Variants in RP1 observed in about 807,000 individuals in gnomAD.
RP1 encodes the protein RP1 axonemal microtubule associated, also known as oxygen-regulated protein 1.
Under a neutral mutation model 14.8 loss-of-function variants are expected in RP1, and 16 were observed. The ratio of observed to expected loss-of-function variants is 1.08; its 90% CI spans 0.73 to 1.65. The LOEUF is 1.65. RP1 is among the 40% of genes most tolerant of loss of function. RP1 has a pLI of 0.00. For missense variants in RP1, 2,631 were observed against 2,535.0 expected, an observed-to-expected ratio of 1.04 and a Z score of -0.81; for synonymous variants, 876 against 883.6, an observed-to-expected ratio of 0.99 and a Z score of 0.15.
chr8:54,838,131 A>C (rs1423499258), intron 25 of RP1, among the ~76,000 whole-genome samples: 1 of 152,226 alleles, frequency 6.6e-6, no homozygotes, highest in Non-Finnish European at 1.5e-5. Flanking sequence ...TATATCCAAG[A>C]ATAGATGTGT....
chr8:54,566,471 G>T (rs560636747), intron 1 of RP1, among the ~76,000 whole-genome samples: 4 of 152,286 alleles, frequency 2.6e-5, no homozygotes, highest in Non-Finnish European at 1.5e-5. Flanking sequence ...CATCTGAGAA[G>T]AGTGAAGGAC....
intron 20 of RP1, chr8:54,755,504 C>T (rs1170055364): frequency 3.1e-6 from 3 of 959,702 alleles, no homozygotes; most frequent in South Asian, 3.3e-5. Context: ...CAGGAATTCT[C>T]ATATATGTTT....
In RP1 at chr8:54,739,030, G is replaced by C; in HGVS notation, c.2808+1G>C. 6.6e-7 allele frequency: 1 copy of C among 1,525,694 alleles called. No homozygotes were observed. Among genetic ancestry groups the C allele is most frequent in the African/African-American group, 1.4e-5 (1 of 72,808 alleles). The allele number at this position is 1,525,694 out of a possible 1,614,324, so 94.5% of individuals were successfully genotyped here. On this transcript the variant is annotated splice_donor_variant, in intron 19 of 22. Coordinates refer to the RP1 transcript ENST00000636932. LOFTEE classifies it high-confidence loss of function. ...GCAACCCGAGTGGAACTTGCAGAGG[G>C]TAATCATGTCACTTATTTTTTTCTT...
chr8:54,663,555 T>C, intron 6 of RP1: 1 of 640,020 alleles, frequency 1.6e-6, no homozygotes, highest in African/African-American at 1.9e-5. Flanking sequence ...ATAGTATATA[T>C]AGAATTTTTT....
At chr8:54,635,731 C>G (rs1300032326), downstream of RP1, among the ~76,000 whole-genome samples, 4 of 152,142 alleles carry the variant, frequency 2.6e-5, no homozygotes, top group African/African-American at 4.8e-5. Context: ...CAAAACCCAA[C>G]ACACCCCACA....
At chr8:54,849,101 T>C (rs1812000384) in intron 25 of RP1, among the ~76,000 whole-genome samples, 1 of 152,068 alleles carries the variant, frequency 6.6e-6, no homozygotes, top group Non-Finnish European at 1.5e-5. Context: ...CTCAGACCAG[T>C]GACACTAAGC....
Position 54,842,633 on chromosome 8 carries a change from G to A in RP1, c.3835+4964G>A, listed in dbSNP as rs72650371. ...CAAAGAGCACTTTGGGATTAGTATAGGCTGTTCTCAACCCCACTGACAGAG... is the reference window on the plus strand; with the variant it reads ...CAAAGAGCACTTTGGGATTAGTATAAGCTGTTCTCAACCCCACTGACAGAG... On this transcript the variant is annotated intron_variant, in intron 25 of 28. Transcript: ENST00000637698. Among the ~76,000 whole-genome samples the A allele has an allele frequency of 6.5e-3, 995 of 152,282 alleles. 4 individuals carry two copies. The highest frequency in any genetic ancestry group is 0.011 in the Non-Finnish European group (769 of 68,032).
rs192868168 is a variant in RP1 at position 54,607,160 on chromosome 8, C to A, written c.-12-13795C>A. ...TCCAGTTTTTCTGCTCTGTTTTTTC[C>A]CCATCTTTGTGGTTTTATCTACCTT... On this transcript the variant is annotated intron_variant, in intron 1 of 22. Coordinates refer to the RP1 transcript ENST00000636932. Among the ~76,000 whole-genome samples, 25 of 152,140 alleles carry A rather than the reference C, an allele frequency of 1.6e-4. No homozygotes were observed. The East Asian group carries it at 4.8e-3, about 29-fold the overall frequency.
chr8:54,590,890 A>G lies in RP1; in HGVS notation c.-12-30065A>G, dbSNP rs548377202. Among the ~76,000 whole-genome samples, 85 of 151,626 alleles carry G rather than the reference A, an allele frequency of 5.6e-4. 1 individual carries two copies. Among genetic ancestry groups the G allele is most frequent in the African/African-American group, 1.8e-3 (75 of 41,306 alleles). ...TAATTACAGATGTCAGCCTTCATCC[A>G]CTCTCCTCTTCTCAAGCCTTCCCCG... is the stretch of plus-strand genomic sequence containing the variant. On this transcript the variant is annotated intron_variant, in intron 1 of 22. Coordinates refer to the RP1 transcript ENST00000636932.
At chr8:54,745,688 T>C (rs1199757345) in intron 19 of RP1, among the ~76,000 whole-genome samples, 1 of 152,074 alleles carries the variant, frequency 6.6e-6, no homozygotes, top group African/African-American at 2.4e-5. Context: ...CTTTTTTTTT[T>C]TTTCCAAGCA....
In RP1 at chr8:54,754,012, C is replaced by G. The variant is rs1452480232; in HGVS notation, c.2809-791C>G. 2.6e-5 allele frequency among the ~76,000 whole-genome samples: 4 copies of G among 152,092 alleles called. No individual in the cohort carries two copies. The East Asian group carries it at 7.7e-4, about 29-fold the overall frequency. ...TTATCTATTGTGATAGGAGGCAAGG[C>G]AAACAATTGTGGGCTTATTCCTGGA... is the stretch of plus-strand genomic sequence containing the variant. On this transcript the variant is annotated intron_variant, in intron 19 of 22. Transcript: ENST00000636932.
In RP1 at chr8:54,759,801, T is replaced by C. The variant is rs1230090809; in HGVS notation, c.3248+725T>C. Among the ~76,000 whole-genome samples, 5 of 152,180 alleles carry C rather than the reference T, an allele frequency of 3.3e-5. No individual in the cohort carries two copies. In the East Asian group the frequency reaches 7.7e-4, roughly 23 times the overall value. On this transcript the variant is annotated intron_variant, in intron 22 of 22. Transcript: ENST00000636932. ...TGCTTGGTCTCTCAGTCACAGGGAA[T>C]AGGCTGAGCCCTGACTTACAAATTG... is the stretch of plus-strand genomic sequence containing the variant.
chr8:54,596,516 A>C (rs1308091611), intron 1 of RP1, among the ~76,000 whole-genome samples: 1 of 152,216 alleles, frequency 6.6e-6, no homozygotes, highest in Non-Finnish European at 1.5e-5. Flanking sequence ...ACTTTCAGAC[A>C]TCACCACCTA....
At position 54,857,049 on chromosome 8, in the gene RP1, G is replaced by T; in HGVS notation, c.4012G>T (p.Ala1338Ser). Residue 1338 changes from alanine to serine, a missense_variant, in exon 27 of 29, where the codon GCT (alanine) becomes TCT (serine). Ala to Ser is a moderately conservative substitution (Grantham distance 99). Transcript: ENST00000637698. ...ACAGGTTGATATTTTTTCCATTAAG[G>T]CTGTATCTCTCGGAAAATTGAAGAA... 8.3e-6 allele frequency: 10 copies of T among 1,202,730 alleles called. No homozygotes were observed. The South Asian group carries it at 2.9e-4, about 35-fold the overall frequency. 74.5% of individuals were successfully genotyped at this position (1,202,730 alleles called of 1,614,324 possible).
intron 25 of RP1, among the ~76,000 whole-genome samples, chr8:54,838,686 T>C (rs1415072268): frequency 1.3e-5 from 2 of 152,148 alleles, no homozygotes; most frequent in Non-Finnish European, 2.9e-5. Flanking sequence ...CCTGCATGCA[T>C]ATGTGAAAAA....
intron 16 of RP1, among the ~76,000 whole-genome samples, chr8:54,724,613 T>C (rs1408086810): frequency 1.3e-5 from 2 of 152,150 alleles, no homozygotes; most frequent in African/African-American, 4.8e-5. Flanking sequence ...GACAAAGGGC[T>C]ACTAAGGGTT....
intron 1 of RP1, among the ~76,000 whole-genome samples, chr8:54,584,640 C>T (rs941898572): frequency 3.9e-5 from 6 of 152,110 alleles, no homozygotes; most frequent in African/African-American, 1.4e-4. Flanking sequence ...GTGTCTAAGT[C>T]TCTTTGTAGC....
Position 54,841,284 on chromosome 8 carries a change from A to T in RP1, c.3835+3615A>T, listed in dbSNP as rs78278992. Among the ~76,000 whole-genome samples the T allele has an allele frequency of 4.8e-3, 737 of 152,334 alleles. 6 individuals are homozygous for T. Among genetic ancestry groups the T allele is most frequent in the African/African-American group, 0.017 (695 of 41,572 alleles). On this transcript the variant is annotated intron_variant, in intron 25 of 28. Transcript: ENST00000637698. Reference sequence around the variant, plus strand: ...CCTCTGTCAGAGCATTCTCTAGCTGACCATGGGAAAAACACAAGGAGTGAT... The same window carrying T: ...CCTCTGTCAGAGCATTCTCTAGCTGTCCATGGGAAAAACACAAGGAGTGAT...
intron 15 of RP1, among the ~76,000 whole-genome samples, chr8:54,708,027 C>G (rs965291332): frequency 3.3e-5 from 5 of 152,244 alleles, no homozygotes; most frequent in South Asian, 2.1e-4. Flanking sequence ...TCAGTTACCC[C>G]CTAGGACAGA....
Sources: allele counts gnomAD v4.1 joint callset (sites outside exome capture counted in the v4.1 genomes callset), GRCh38; gene constraint gnomAD v4.1.1; transcripts MANE v1.5; gene names NCBI Gene and HGNC (gene_info 2026-07-23, HGNC 2026-07-21).